Variants in STK39 observed in about 807,000 individuals in gnomAD.
The protein encoded by STK39 is STE20/SPS1-related proline-alanine-rich protein kinase.
STK39 carries 20 observed loss-of-function variants against 77.8 expected under a neutral mutation model. The ratio of observed to expected loss-of-function variants is 0.26; its 90% CI spans 0.18 to 0.37. The LOEUF is 0.37. Among genes scored for constraint, STK39 ranks in the 10% least tolerant of loss-of-function variants. STK39 has a pLI of 1.00. For missense variants in STK39, 479 were observed against 656.5 expected, an observed-to-expected ratio of 0.73 and a Z score of 2.95; for synonymous variants, 246 against 234.1, an observed-to-expected ratio of 1.05 and a Z score of -0.47.
intron 5 of STK39, among the ~76,000 whole-genome samples, chr2:168,151,710 G>A (rs1688290784): frequency 6.7e-6 from 1 of 148,634 alleles, no homozygotes. Flanking sequence ...CTGCACTCCA[G>A]CCTGGGCGAC....
chr2:168,145,207 G>A (rs1688104565), intron 5 of STK39, among the ~76,000 whole-genome samples: 1 of 152,134 alleles, frequency 6.6e-6, no homozygotes, highest in Non-Finnish European at 1.5e-5. Context: ...GCACAAGTGT[G>A]GAGCCAAGAA....
intron 3 of STK39, among the ~76,000 whole-genome samples, chr2:168,164,136 C>T (rs1172328512): frequency 6.6e-6 from 1 of 152,184 alleles, no homozygotes; most frequent in Non-Finnish European, 1.5e-5. Flanking sequence ...CATGGCCGTT[C>T]CATGGCTGGT....
In STK39 at chr2:168,247,474, G is replaced by C. The variant is rs750144605; in HGVS notation, c.-39C>G. 10 of 1,292,140 alleles carry C rather than the reference G, an allele frequency of 7.7e-6. No homozygotes were observed. Among genetic ancestry groups the C allele is most frequent in the Middle Eastern group, 6.6e-4 (2 of 3,040 alleles). 80.0% of individuals were successfully genotyped at this position (1,292,140 alleles called of 1,614,324 possible). The stretch of plus-strand genomic sequence containing the variant: ...AGAGCAGGAGGACGCGCCGGCCGAC[G>C]GACGACCTTCCACTTGAAACTTCCT... On this transcript the variant is annotated 5_prime_UTR_variant, in exon 1 of 18. Coordinates refer to ENST00000355999, the MANE Select transcript of STK39 (RefSeq NM_013233.3).
intron 12 of STK39, among the ~76,000 whole-genome samples, chr2:168,069,065 C>T (rs969287830): frequency 1.8e-4 from 28 of 152,230 alleles, no homozygotes; most frequent in Middle Eastern, 3.4e-3. Flanking sequence ...TACAGATGCA[C>T]ACCACCATGC....
At chr2:167,962,208 G>A (rs1298473245) in intron 17 of STK39, among the ~76,000 whole-genome samples, 5 of 152,154 alleles carry the variant, frequency 3.3e-5, no homozygotes, top group Admixed American at 2.0e-4. Flanking sequence ...GGGACCATGC[G>A]CAGCAGCAGC....
chr2:167,994,744 G>T (rs1006175565), intron 16 of STK39, among the ~76,000 whole-genome samples: 1 of 152,096 alleles, frequency 6.6e-6, no homozygotes, highest in Non-Finnish European at 1.5e-5. Flanking sequence ...ATGCTTTCGA[G>T]GTTCATTTCA....
chr2:168,118,159 G>A (rs1248418761), intron 10 of STK39, among the ~76,000 whole-genome samples: 1 of 152,056 alleles, frequency 6.6e-6, no homozygotes, highest in Non-Finnish European at 1.5e-5. Context: ...GGAGGAGGAG[G>A]AGGAGGCAGT....
At chr2:168,029,466 G>A (rs890401445) in intron 14 of STK39, among the ~76,000 whole-genome samples, 1 of 152,170 alleles carries the variant, frequency 6.6e-6, no homozygotes, top group Non-Finnish European at 1.5e-5. Flanking sequence ...ACCATATGGT[G>A]CAAACGATGA....
chr2:168,025,661 G>A (rs71430614), intron 14 of STK39, among the ~76,000 whole-genome samples: 61 of 152,200 alleles, frequency 4.0e-4, no homozygotes, highest in Non-Finnish European at 5.9e-4. Context: ...CTTGGCAGAC[G>A]AATGTGCAGC....
intron 10 of STK39, among the ~76,000 whole-genome samples, chr2:168,120,443 T>G (rs1687376092): frequency 6.6e-6 from 1 of 152,244 alleles, no homozygotes; most frequent in South Asian, 2.1e-4. Flanking sequence ...GTGACGTTTG[T>G]GCGTTCTTCA....
chr2:167,971,997 T>C (rs1692360617), intron 16 of STK39, among the ~76,000 whole-genome samples: 1 of 152,240 alleles, frequency 6.6e-6, no homozygotes, highest in African/African-American at 2.4e-5. Flanking sequence ...ATGCAACGCC[T>C]TGGGCAGCAA....
At chr2:168,048,503 C>CGCCCGGCCCGGCCCGGCCCGGCCCG (rs34876128) in intron 14 of STK39, among the ~76,000 whole-genome samples, 4 of 150,384 alleles carry the variant, frequency 2.7e-5, no homozygotes, top group Non-Finnish European at 5.9e-5. Flanking sequence ...TGAGCCACCG[C>CGCCCGGCCCGGCCCGGCCCGGCCCG]GCCCGGCCCG....
chr2:167,999,834 G>C (rs552401504), intron 16 of STK39, among the ~76,000 whole-genome samples: 1 of 152,300 alleles, frequency 6.6e-6, no homozygotes, highest in East Asian at 1.9e-4. Flanking sequence ...ACAAAGAGTG[G>C]TAGAAGGCTC....
rs368653960 is a variant in STK39, at chr2:168,242,231, G to C, written c.208+4997C>G. ...GCACACTTTAAGAACGGTTAAAATG[G>C]TACAATTTTTGTTGTGTATATTTTA... On this transcript the variant is annotated intron_variant, in intron 1 of 17. Transcript: ENST00000355999. 6.6e-5 allele frequency among the ~76,000 whole-genome samples: 10 copies of C among 151,948 alleles called. No homozygotes were observed. In the East Asian group the frequency reaches 1.6e-3, roughly 24 times the overall value.
chr2:168,195,789 G>A (rs190945581), intron 1 of STK39, among the ~76,000 whole-genome samples: 5 of 152,328 alleles, frequency 3.3e-5, no homozygotes, highest in Middle Eastern at 3.4e-3. Flanking sequence ...GGCCTAGGTC[G>A]GTAGATCATC....
intron 14 of STK39, among the ~76,000 whole-genome samples, chr2:168,049,886 G>C (rs1385252267): frequency 6.6e-6 from 1 of 152,208 alleles, no homozygotes; most frequent in Non-Finnish European, 1.5e-5. Context: ...CACTACTCAT[G>C]TACATTAGGA....
intron 1 of STK39, among the ~76,000 whole-genome samples, chr2:168,210,282 C>T (rs1252067794): frequency 6.6e-6 from 1 of 152,064 alleles, no homozygotes; most frequent in East Asian, 1.9e-4. Context: ...AAGTGTAAAC[C>T]CAAAGAATTG....
chr2:167,972,005 C>A (rs1050694615), intron 16 of STK39, among the ~76,000 whole-genome samples: 6 of 152,212 alleles, frequency 3.9e-5, no homozygotes, highest in Admixed American at 3.9e-4. Context: ...CCTTGGGCAG[C>A]AACTTGCAAA....
chr2:168,096,239 G>A (rs1178347524), intron 10 of STK39, among the ~76,000 whole-genome samples: 1 of 152,052 alleles, frequency 6.6e-6, no homozygotes, highest in Admixed American at 6.6e-5. Flanking sequence ...CTAGAACAAG[G>A]ATGTGATTAG....
Sources: allele counts gnomAD v4.1 joint callset (sites outside exome capture counted in the v4.1 genomes callset), GRCh38; gene constraint gnomAD v4.1.1; transcripts MANE v1.5; gene names NCBI Gene and HGNC (gene_info 2026-07-23, HGNC 2026-07-21).